The following RGS6 variants were observed in gnomAD, a reference collection of about 807,000 sequenced individuals.
The protein encoded by RGS6 is regulator of G-protein signaling 6.
In RGS6, 30 loss-of-function variants were observed where a neutral mutation model predicts 78.5. The ratio of observed to expected loss-of-function variants is 0.38; its 90% CI spans 0.29 to 0.52. RGS6 has a LOEUF of 0.52. Ranked by LOEUF, RGS6 falls within the 20% of genes least tolerant of loss-of-function variation. The pLI is 0.85. For synonymous variants in RGS6, 206 were observed against 206.0 expected, an observed-to-expected ratio of 1.00 and a Z score of 0.00; for missense variants, 495 against 609.7, an observed-to-expected ratio of 0.81 and a Z score of 1.98.
intron 3 of RGS6, among the ~76,000 whole-genome samples, chr14:72,425,384 C>A (rs1463487115): frequency 3.3e-5 from 5 of 152,154 alleles, no homozygotes; most frequent in Non-Finnish European, 7.3e-5. Flanking sequence ...AATGACCCAC[C>A]CACCTCAGCC....
At chr14:72,363,658 G>C (rs532269988) in intron 3 of RGS6, among the ~76,000 whole-genome samples, 11 of 152,214 alleles carry the variant, frequency 7.2e-5, no homozygotes, top group Non-Finnish European at 1.6e-4. Flanking sequence ...TAATATCATG[G>C]ATTGAATACA....
intron 1 of RGS6, among the ~76,000 whole-genome samples, chr14:71,946,197 G>A (rs1044499961): frequency 9.9e-5 from 15 of 152,114 alleles, no homozygotes; most frequent in African/African-American, 7.2e-5. Flanking sequence ...GGTTTCTGCC[G>A]ATAGCCAGGG....
chr14:72,128,186 A>G (rs192686182), intron 2 of RGS6, among the ~76,000 whole-genome samples: 16 of 152,364 alleles, frequency 1.1e-4, no homozygotes, highest in Non-Finnish European at 1.8e-4. Context: ...GGAGAGTAAG[A>G]TTAAAGAGTT....
the RGS6 span, among the ~76,000 whole-genome samples, chr14:71,904,753 T>C: frequency 0.024 from 3,622 of 152,278 alleles, 157 homozygotes; most frequent in African/African-American, 0.082. Context: ...ACCTTGGTCT[T>C]GTCTAATGTT....
At chr14:72,371,716 G>T (rs1342557238) in intron 3 of RGS6, among the ~76,000 whole-genome samples, 1 of 152,100 alleles carries the variant, frequency 6.6e-6, no homozygotes, top group Non-Finnish European at 1.5e-5. Context: ...AGCCGAGATC[G>T]CACCATTGCA....
At chr14:72,204,644 T>G (rs1466609518) in intron 2 of RGS6, among the ~76,000 whole-genome samples, 1 of 152,188 alleles carries the variant, frequency 6.6e-6, no homozygotes, top group Non-Finnish European at 1.5e-5. Flanking sequence ...CTTCTTGCTG[T>G]GTCTTCACAT....
At chr14:72,039,493 A>C (rs78823135) in intron 2 of RGS6, among the ~76,000 whole-genome samples, 11,673 of 152,186 alleles carry the variant, frequency 0.077, 486 homozygotes, top group South Asian at 0.097. Context: ...TATTTGTCTA[A>C]TATTGGTATA....
At chr14:72,556,316 T>G (rs143081323) in intron 17 of RGS6, among the ~76,000 whole-genome samples, 116 of 152,152 alleles carry the variant, frequency 7.6e-4, no homozygotes, top group African/African-American at 2.7e-3. Flanking sequence ...GAGTGTGTAT[T>G]AACACTTAAA....
the RGS6 span, among the ~76,000 whole-genome samples, chr14:72,601,901 C>A: frequency 6.6e-6 from 1 of 152,220 alleles, no homozygotes; most frequent in Non-Finnish European, 1.5e-5. Flanking sequence ...AGCTTTCTCT[C>A]CAGTTGGAAG....
chr14:72,065,543 A>C (rs560420767), intron 2 of RGS6, among the ~76,000 whole-genome samples: 1 of 152,292 alleles, frequency 6.6e-6, no homozygotes, highest in East Asian at 1.9e-4. Context: ...ACCCAATAAA[A>C]TGTCTTCCCT....
At chr14:72,168,325 T>C (rs535415226) in intron 2 of RGS6, among the ~76,000 whole-genome samples, 22 of 152,184 alleles carry the variant, frequency 1.4e-4, no homozygotes, top group Non-Finnish European at 3.2e-4. Flanking sequence ...CCATTAGGAA[T>C]GTAGGCTCAG....
At chr14:72,059,193 C>G (rs1320605281) in intron 2 of RGS6, among the ~76,000 whole-genome samples, 2 of 152,224 alleles carry the variant, frequency 1.3e-5, no homozygotes, top group African/African-American at 2.4e-5. Context: ...AGCCACCGCG[C>G]CTTCCTGCTG....
intron 2 of RGS6, among the ~76,000 whole-genome samples, chr14:71,988,222 C>A (rs925857027): frequency 6.6e-6 from 1 of 152,114 alleles, no homozygotes; most frequent in Non-Finnish European, 1.5e-5. Flanking sequence ...AGGGGGTGAG[C>A]ATTTTCTTTC....
chr14:72,397,100 G>C (rs2091485683), intron 3 of RGS6, among the ~76,000 whole-genome samples: 1 of 152,208 alleles, frequency 6.6e-6, no homozygotes, highest in South Asian at 2.1e-4. Context: ...TTGGTAGCTT[G>C]ATGGGGATGG....
At chr14:71,881,823 A>G in the RGS6 span, among the ~76,000 whole-genome samples, 2 of 152,178 alleles carry the variant, frequency 1.3e-5, no homozygotes, top group African/African-American at 4.8e-5. Context: ...GTATCTGACA[A>G]TTGGACAGTA....
At chr14:72,082,241 G>C (rs947111106) in intron 2 of RGS6, among the ~76,000 whole-genome samples, 1 of 152,122 alleles carries the variant, frequency 6.6e-6, no homozygotes, top group Non-Finnish European at 1.5e-5. Context: ...CCTTTGGGTA[G>C]TATGGACATT....
intron 2 of RGS6, among the ~76,000 whole-genome samples, chr14:72,041,766 G>T (rs1389973178): frequency 6.6e-6 from 1 of 152,136 alleles, no homozygotes; most frequent in East Asian, 1.9e-4. Flanking sequence ...AAGGCATTTT[G>T]TACAATATAT....
chr14:71,902,401 C>T, the RGS6 span, among the ~76,000 whole-genome samples: 4 of 152,046 alleles, frequency 2.6e-5, no homozygotes, highest in Admixed American at 2.0e-4. Flanking sequence ...TTTTGAGCCT[C>T]GGGTACCATG....
intron 2 of RGS6, among the ~76,000 whole-genome samples, chr14:72,210,697 G>A (rs1164669245): frequency 6.6e-6 from 1 of 151,980 alleles, no homozygotes; most frequent in African/African-American, 2.4e-5. Context: ...TGATCTACCT[G>A]GTCTTCTGCT....
Sources: gnomAD v4.1 joint callset for allele counts (sites outside exome capture counted in the v4.1 genomes callset) on GRCh38, gnomAD v4.1.1 for gene constraint, MANE v1.5 for transcripts, NCBI Gene and HGNC (gene_info 2026-07-23, HGNC 2026-07-21) for gene names.